Variants in ARHGAP39 observed in about 807,000 individuals in gnomAD.
ARHGAP39 encodes the protein rho GTPase-activating protein 39.
Under a neutral mutation model 106.9 loss-of-function variants are expected in ARHGAP39, and 44 were observed. That is an observed-to-expected ratio of 0.41 (90% CI 0.32 to 0.53). ARHGAP39 has a LOEUF of 0.53. Ranked by LOEUF, ARHGAP39 falls within the 20% of genes least tolerant of loss-of-function variation. The pLI, the probability that ARHGAP39 is intolerant of heterozygous loss-of-function variation, is 0.21. For missense variants in ARHGAP39, 1,496 were observed against 1,577.3 expected (o/e 0.95, Z 0.87); for synonymous variants, 768 against 693.2 (o/e 1.11, Z -1.69).
chr8:144,629,186 C>T (rs772034188), intron 1 of ARHGAP39, among the ~76,000 whole-genome samples: 3 of 152,238 alleles, frequency 2.0e-5, no homozygotes, highest in Non-Finnish European at 2.9e-5. Flanking sequence ...TTGCTCTTCT[C>T]GGTATCTTCT....
At chr8:144,648,482 T>G (rs1821497830) in intron 1 of ARHGAP39, among the ~76,000 whole-genome samples, 1 of 152,188 alleles carries the variant, frequency 6.6e-6, no homozygotes, top group Admixed American at 6.5e-5. Context: ...AAGGGCTCGT[T>G]CCAGAAAGAA....
rs374102696 is a variant in ARHGAP39, at chr8:144,548,153, C to T, written c.933G>A (p.Pro311=). Residue 311 remains proline (P), a synonymous_variant, in exon 5 of 12, where the codon CCG becomes CCA. Coordinates refer to ENST00000377307, the MANE Select transcript of ARHGAP39 (RefSeq NM_025251.3). This position sits in a 1 kb window ranked among gnomAD's most constrained non-coding sequence, Gnocchi z 7.4. ...ACTCCACTGGGGGCTCCTCGTAGAG[C>T]GGGGGTTCATAGCCATAGCGCGGGG... ...PSSPRYGYEP[P]LYEEPPVEYQ... The T allele has an allele frequency of 1.8e-5, 29 of 1,568,964 alleles. 1 individual carries two copies. In the South Asian group the frequency reaches 3.1e-4, roughly 17 times the overall value.
intron 7 of ARHGAP39, 74 bp downstream of exon 7, chr8:144,537,647 A>C: frequency 3.4e-6 from 4 of 1,191,954 alleles, no homozygotes; most frequent in Non-Finnish European, 4.9e-6. Flanking sequence ...TAGAGAAGAG[A>C]AGGCCAGGCG....
intron 1 of ARHGAP39, among the ~76,000 whole-genome samples, chr8:144,628,441 C>G (rs554787463): frequency 1.4e-4 from 21 of 152,288 alleles, no homozygotes; most frequent in African/African-American, 5.1e-4. Flanking sequence ...AGAGGGCATT[C>G]CGGAGTGGCA....
At chr8:144,605,738 T>C in intron 1 of ARHGAP39, 43 bp from the exon 2 acceptor site, 2 of 894,984 alleles carry the variant, frequency 2.2e-6, no homozygotes, top group Non-Finnish European at 1.8e-6. Context: ...GGAAGACGCC[T>C]CACCACACCA....
intron 1 of ARHGAP39, among the ~76,000 whole-genome samples, chr8:144,653,921 C>A (rs1399706737): frequency 1.3e-5 from 2 of 152,206 alleles, no homozygotes; most frequent in African/African-American, 4.8e-5. Flanking sequence ...CAAGGTGAAA[C>A]CCGCTCCCAG....
rs140122123 is a variant in ARHGAP39, at chr8:144,660,798, G to A, written c.-82+24888C>T. 4.3e-3 allele frequency among the ~76,000 whole-genome samples: 652 copies of A among 152,214 alleles called. 7 individuals are homozygous for A. Among genetic ancestry groups the A allele is most frequent in the African/African-American group, 0.015 (611 of 41,504 alleles). On this transcript the variant is annotated intron_variant, in intron 1 of 11. Coordinates refer to ENST00000377307, the MANE Select transcript of ARHGAP39 (RefSeq NM_025251.3). ...AGTTTGAGACCAGTCTGGCCAACAT[G>A]GTGAAATCCTGTCTCTACTAAAAAT...
At chr8:144,590,139 C>T (rs1046478540) in intron 2 of ARHGAP39, among the ~76,000 whole-genome samples, 8 of 152,346 alleles carry the variant, frequency 5.3e-5, no homozygotes, top group Admixed American at 3.3e-4. Flanking sequence ...GAAGCCTTCC[C>T]GACAGGGCCT....
intron 1 of ARHGAP39, among the ~76,000 whole-genome samples, chr8:144,678,718 C>T (rs1218628273): frequency 6.6e-6 from 1 of 152,350 alleles, no homozygotes; most frequent in Admixed American, 6.5e-5. Context: ...CTCCACAAAT[C>T]CTTGGCCATC....
In ARHGAP39 at chr8:144,604,762, A is replaced by G. The variant is rs977659570; in HGVS notation, c.80+773T>C. On this transcript the variant is annotated intron_variant, in intron 2 of 11. Transcript: ENST00000377307. The surrounding 1 kb of genome is among the most constrained non-coding windows in gnomAD (Gnocchi z 4.1). ...ACACTGGCTGAGACGGGACAGGGCC[A>G]GATTTACTTGTGGTAACAAGCGTCC... 3.3e-5 allele frequency among the ~76,000 whole-genome samples: 5 copies of G among 152,188 alleles called. No individual in the cohort carries two copies. Among genetic ancestry groups the G allele is most frequent in the African/African-American group, 1.2e-4 (5 of 41,444 alleles).
intron 3 of ARHGAP39, among the ~76,000 whole-genome samples, chr8:144,572,935 C>G (rs1818636034): frequency 6.6e-6 from 1 of 152,172 alleles, no homozygotes; most frequent in South Asian, 2.1e-4. Flanking sequence ...CATCTCACAC[C>G]AGTTAGAATG....
At position 144,605,646 on chromosome 8, in the gene ARHGAP39, C is replaced by T. The variant is rs745932333; in HGVS notation, c.-32G>A. The T allele has an allele frequency of 2.4e-5, 38 of 1,607,182 alleles. No individual in the cohort carries two copies. Among genetic ancestry groups the T allele is most frequent in the East Asian group, 6.7e-5 (3 of 44,874 alleles). ...TTGCTTCCGCGCCCACGTGGACAGACGTCAGGGCACCATACGCACAACGCC... is the reference window on the plus strand; with the variant it reads ...TTGCTTCCGCGCCCACGTGGACAGATGTCAGGGCACCATACGCACAACGCC... On this transcript the variant is annotated 5_prime_UTR_variant, in exon 2 of 12. Transcript: ENST00000377307.
At position 144,530,415 on chromosome 8, in the gene ARHGAP39, G is replaced by A. The variant is rs1564830572; in HGVS notation, c.*7C>T. On this transcript the variant is annotated 3_prime_UTR_variant, in exon 12 of 12. Transcript: ENST00000377307. Reference sequence around the variant, plus strand: ...CAGGACATCCCTCCTGTCCCCGGGCGCCCCCGCTACAGCACACCCTCCATG... The same window carrying A: ...CAGGACATCCCTCCTGTCCCCGGGCACCCCCGCTACAGCACACCCTCCATG... The A allele has an allele frequency of 6.3e-7, 1 of 1,587,500 alleles. No homozygotes were observed. The highest frequency in any genetic ancestry group is 1.7e-5 in the Admixed American group (1 of 58,228).
intron 1 of ARHGAP39, among the ~76,000 whole-genome samples, chr8:144,657,167 G>A (rs972685923): frequency 1.3e-5 from 2 of 151,498 alleles, no homozygotes; most frequent in Non-Finnish European, 2.9e-5. Context: ...GCCAAGGTGG[G>A]TAGATTGTTT....
At chr8:144,639,013 G>C (rs1055064724) in intron 1 of ARHGAP39, among the ~76,000 whole-genome samples, 1 of 152,170 alleles carries the variant, frequency 6.6e-6, no homozygotes, top group Non-Finnish European at 1.5e-5. Flanking sequence ...CTGGAAGCCA[G>C]TATGCTTTTT....
chr8:144,661,095 TGCA>T (rs1821810271), intron 1 of ARHGAP39, among the ~76,000 whole-genome samples: 1 of 152,192 alleles, frequency 6.6e-6, no homozygotes. Flanking sequence ...CCAGTCTGGC[TGCA>T]GACGGCCCTC....
chr8:144,582,944 C>A (rs1335817672), intron 2 of ARHGAP39, among the ~76,000 whole-genome samples: 1 of 152,194 alleles, frequency 6.6e-6, no homozygotes. Context: ...TCCCCCCAAA[C>A]AAATGCCTCG....
At chr8:144,680,837 G>A (rs1290573341) in intron 1 of ARHGAP39, among the ~76,000 whole-genome samples, 1 of 152,096 alleles carries the variant, frequency 6.6e-6, no homozygotes, top group African/African-American at 2.4e-5. Context: ...AGACTGGTAC[G>A]AGTTTCATAA....
intron 2 of ARHGAP39, among the ~76,000 whole-genome samples, chr8:144,596,131 C>T (rs1042910485): frequency 3.3e-5 from 5 of 152,198 alleles, no homozygotes; most frequent in African/African-American, 9.7e-5. Context: ...CGGAACCCAA[C>T]GGGCCCTGGC....
Sources: gnomAD v4.1 joint callset for allele counts (sites outside exome capture counted in the v4.1 genomes callset) on GRCh38, gnomAD v4.1.1 for gene constraint, Gnocchi (gnomAD v3.1) non-coding constraint, MANE v1.5 for transcripts, NCBI Gene and HGNC (gene_info 2026-07-23, HGNC 2026-07-21) for gene names.